Variants in GDA observed in about 807,000 individuals in gnomAD.
GDA encodes the protein guanine deaminase, also known as cytoplasmic PSD-95 interactor.
Under a neutral mutation model 59.6 loss-of-function variants are expected in GDA, and 18 were observed. That is an observed-to-expected ratio of 0.30 (90% CI 0.21 to 0.45). The LOEUF (loss-of-function observed/expected upper bound fraction) is 0.45, where lower values mean the gene tolerates loss of function less well. Ranked by LOEUF, GDA falls within the 20% of genes least tolerant of loss-of-function variation. The pLI is 1.00. For missense variants in GDA, 427 were observed against 552.3 expected (o/e 0.77, Z 2.27); for synonymous variants, 201 against 201.1 (o/e 1.00, Z 0.00).
At chr9:72,253,847 AG>A (rs1319048479), downstream of GDA, among the ~76,000 whole-genome samples, 43 of 152,196 alleles carry the variant, frequency 2.8e-4, no homozygotes, top group Non-Finnish European at 2.9e-5. Context: ...ATTAAAAAAA[AG>A]ATTTGGATAT....
intron 2 of GDA, among the ~76,000 whole-genome samples, chr9:72,195,932 C>T (rs1833122388): frequency 1.3e-5 from 2 of 152,042 alleles, no homozygotes; most frequent in Non-Finnish European, 2.9e-5. Context: ...AGTAAACAAG[C>T]AAACAGATAC....
At chr9:72,184,708 T>C (rs1335792286) in intron 1 of GDA, among the ~76,000 whole-genome samples, 1 of 152,234 alleles carries the variant, frequency 6.6e-6, no homozygotes, top group Non-Finnish European at 1.5e-5. Flanking sequence ...GAGTCTGTAC[T>C]CTGATCAAAT....
chr9:72,179,263 C>A (rs1830890645), intron 1 of GDA, among the ~76,000 whole-genome samples: 1 of 152,198 alleles, frequency 6.6e-6, no homozygotes, highest in Non-Finnish European at 1.5e-5. Flanking sequence ...TGAAATGCCA[C>A]TCTGGTTACC....
chr9:72,193,401 T>G (rs1392323408), intron 1 of GDA, among the ~76,000 whole-genome samples: 1 of 152,264 alleles, frequency 6.6e-6, no homozygotes, highest in Non-Finnish European at 1.5e-5. Context: ...TTGATGGTCC[T>G]GAACAAGATC....
In GDA at chr9:72,202,733, C is replaced by T. The variant is rs1162534875; in HGVS notation, c.375C>T (p.Thr125=). Residue 125 remains threonine, a synonymous_variant, in exon 3 of 14, where the codon ACC becomes ACT. Coordinates refer to ENST00000358399, the MANE Select transcript of GDA (RefSeq NM_004293.5). ...QNIDFAEEVY[T]RVVRRTLKNG... ...TCGACTTTGCAGAAGAAGTATATACCAGAGTTGTCGTAAGTATCTTGTGTG... is the reference window on the plus strand; with the variant it reads ...TCGACTTTGCAGAAGAAGTATATACTAGAGTTGTCGTAAGTATCTTGTGTG... 6.2e-7 allele frequency: 1 copy of T among 1,610,712 alleles called. No individual in the cohort carries two copies. The highest frequency in any genetic ancestry group is 1.1e-5 in the South Asian group (1 of 90,910).
intron 1 of GDA, among the ~76,000 whole-genome samples, chr9:72,137,212 A>AT (rs1345751279): frequency 3.0e-5 from 2 of 65,640 alleles, no homozygotes; most frequent in African/African-American, 9.3e-5. Flanking sequence ...AAATTAAAAA[A>AT]AAAAAAAATT....
chr9:72,250,598 C>A lies in GDA; in HGVS notation c.*2256C>A. ...TGTTATGTATGCTTTTTTTTCTGTA[C>A]CACAGGCATTATCTATACCTGGGGC... On this transcript the variant is annotated 3_prime_UTR_variant, in exon 14 of 14. Transcript: ENST00000358399. 6.6e-7 allele frequency: 1 copy of A among 1,524,756 alleles called. No individual in the cohort carries two copies. Among genetic ancestry groups the A allele is most frequent in the South Asian group, 1.2e-5 (1 of 80,906 alleles). 94.5% of individuals were successfully genotyped at this position (1,524,756 alleles called of 1,614,324 possible).
chr9:72,163,461 T>G (rs1828903159), intron 1 of GDA, among the ~76,000 whole-genome samples: 1 of 152,076 alleles, frequency 6.6e-6, no homozygotes, highest in Non-Finnish European at 1.5e-5. Flanking sequence ...GCTGGCAAGT[T>G]TTGATTGGTA....
At chr9:72,201,657 G>A (rs191265392) in intron 2 of GDA, among the ~76,000 whole-genome samples, 2 of 152,264 alleles carry the variant, frequency 1.3e-5, no homozygotes, top group East Asian at 3.9e-4. Flanking sequence ...TAGGATAATG[G>A]TGGCAGTAGA....
At chr9:72,147,111 C>G (rs1456118425), upstream of GDA, among the ~76,000 whole-genome samples, 1 of 152,166 alleles carries the variant, frequency 6.6e-6, no homozygotes, top group Admixed American at 6.5e-5. Context: ...CTCAACAGAA[C>G]AACACACATT....
chr9:72,161,215 A>G (rs1462636956), intron 1 of GDA, among the ~76,000 whole-genome samples: 1 of 151,994 alleles, frequency 6.6e-6, no homozygotes, highest in Non-Finnish European at 1.5e-5. Context: ...CCTGTGTCCT[A>G]CTTTCTACTC....
chr9:72,140,334 C>A (rs557923510), intron 1 of GDA, among the ~76,000 whole-genome samples: 1 of 151,878 alleles, frequency 6.6e-6, no homozygotes, highest in African/African-American at 2.4e-5. Flanking sequence ...AGGAGGGAGA[C>A]GTCAGAGAAT....
chr9:72,228,820 G>C (rs376910317), intron 9 of GDA: 1 of 152,284 alleles, frequency 6.6e-6, no homozygotes, highest in Admixed American at 6.6e-5. Context: ...CCCGGGAGGC[G>C]GAGGTTGCAG....
intron 1 of GDA, among the ~76,000 whole-genome samples, chr9:72,151,754 C>T (rs548010888): frequency 6.6e-6 from 1 of 151,864 alleles, no homozygotes; most frequent in African/African-American, 2.4e-5. Context: ...ACTACAGGCG[C>T]CACCACGCCC....
intron 1 of GDA, among the ~76,000 whole-genome samples, chr9:72,118,154 C>T (rs1825524358): frequency 1.3e-5 from 2 of 151,326 alleles, no homozygotes; most frequent in South Asian, 4.2e-4. Context: ...CGCCTGTAGT[C>T]CCAGCTACTC....
At chr9:72,158,839 A>G (rs1828257915) in intron 1 of GDA, among the ~76,000 whole-genome samples, 1 of 152,068 alleles carries the variant, frequency 6.6e-6, no homozygotes, top group Non-Finnish European at 1.5e-5. Flanking sequence ...CAAATCCCTT[A>G]CAAATCAACA....
downstream of GDA, chr9:72,257,301 C>T (rs1840897391): frequency 6.6e-6 from 1 of 152,036 alleles, no homozygotes; most frequent in Non-Finnish European, 1.5e-5. Flanking sequence ...TTGTGGGGCA[C>T]CTTGATAGCC....
chr9:72,202,587 G>T lies in GDA; in HGVS notation c.229G>T (p.Gly77Trp). The change falls in exon 3 of 14, where the codon GGG becomes TGG. Residue 77 changes from glycine to tryptophan, a missense_variant. Physicochemically the swap from Gly to Trp is radical, Grantham distance 184 (BLOSUM62 -2). Transcript: ENST00000358399. Reference protein sequence around the residue: ...ELSHHEFFMPGLVDTHIHASQ... With the variant: ...ELSHHEFFMPWLVDTHIHASQ... ...AATTTCCAGTGAGTTCTTCATGCCT[G>T]GGCTGGTTGATACACACATCCATGC... 6.2e-7 allele frequency: 1 copy of T among 1,605,030 alleles called. No homozygotes were observed. The highest frequency in any genetic ancestry group is 8.5e-7 in the Non-Finnish European group (1 of 1,173,346).
At chr9:72,229,171 TAAAAAAAAA>T (rs34554102) in intron 9 of GDA, 5 of 42,320 alleles carry the variant, frequency 1.2e-4, no homozygotes, top group South Asian at 1.2e-3. Context: ...CAGTCTCTAC[TAAAAAAAAA>T]AAAAAAAAAA....
Sources: allele counts gnomAD v4.1 joint callset (sites outside exome capture counted in the v4.1 genomes callset), GRCh38; gene constraint gnomAD v4.1.1; transcripts MANE v1.5; gene names NCBI Gene and HGNC (gene_info 2026-07-23, HGNC 2026-07-21).